The following PHTF1 variants were observed in gnomAD, a reference collection of about 807,000 sequenced individuals.
PHTF1 encodes putative homeodomain transcription factor 1, also known as protein PHTF1.
PHTF1 carries 88 observed loss-of-function variants against 102.4 expected under a neutral mutation model. The ratio of observed to expected loss-of-function variants is 0.86; its 90% CI spans 0.72 to 1.03. The LOEUF is 1.03. Ranked by LOEUF, PHTF1 falls within the 50% of genes least tolerant of loss-of-function variation. The pLI is 0.00. For missense variants in PHTF1, 814 were observed against 909.5 expected (o/e 0.89, Z 1.35); for synonymous variants, 289 against 305.2 (o/e 0.95, Z 0.55).
In PHTF1 at chr1:113,697,542, G is replaced by C. The variant is rs747702131; in HGVS notation, c.*163C>G. The stretch of plus-strand genomic sequence containing the variant: ...TTAGCATGCACACCCAGTTGGAAAA[G>C]GACTTGCTCCTCCGGAAACACCATT... On this transcript the variant is annotated 3_prime_UTR_variant, in exon 19 of 19. Coordinates refer to ENST00000369604, the MANE Select transcript of PHTF1 (RefSeq NM_001323043.2). The C allele has an allele frequency of 5.9e-5, 34 of 578,270 alleles. No individual in the cohort carries two copies. The highest frequency in any genetic ancestry group is 1.0e-4 in the Non-Finnish European group (33 of 317,150). The allele number at this position is 578,270 out of a possible 1,614,324, so 35.8% of individuals were successfully genotyped here.
chr1:113,738,109 C>T lies in PHTF1; in HGVS notation c.331+1G>A, dbSNP rs1655792793. The T allele has an allele frequency of 6.3e-7, 1 of 1,599,696 alleles. No homozygotes were observed. The highest frequency in any genetic ancestry group is 1.1e-5 in the South Asian group (1 of 89,440). On this transcript the variant is annotated splice_donor_variant, in intron 5 of 18. Coordinates refer to ENST00000369604, the MANE Select transcript of PHTF1 (RefSeq NM_001323043.2). LOFTEE classifies it high-confidence loss of function. ...TTGCTTATTCCAATTTCTCCAATTACCTTGCATGAAATAAAGTAGTAACAG... is the reference window on the plus strand; with the variant it reads ...TTGCTTATTCCAATTTCTCCAATTATCTTGCATGAAATAAAGTAGTAACAG...
intron 3 of PHTF1, chr1:113,749,645 G>A (rs377002571): frequency 3.3e-5 from 5 of 152,122 alleles, no homozygotes; most frequent in South Asian, 2.1e-4. Flanking sequence ...GAAGATCTGG[G>A]GGTAGATCTA....
At chr1:113,741,161 A>G (rs184828701) in intron 3 of PHTF1, among the ~76,000 whole-genome samples, 27 of 152,390 alleles carry the variant, frequency 1.8e-4, no homozygotes, top group Admixed American at 1.5e-3. Flanking sequence ...TACCTATTAC[A>G]GACATTGAAC....
intron 11 of PHTF1, among the ~76,000 whole-genome samples, chr1:113,709,778 A>G (rs879043407): frequency 6.6e-6 from 1 of 152,218 alleles, no homozygotes; most frequent in African/African-American, 2.4e-5. Flanking sequence ...GAATCTCTAC[A>G]TTGGTTGGAA....
chr1:113,749,905 C>T (rs1449687423), intron 3 of PHTF1, among the ~76,000 whole-genome samples: 18 of 152,076 alleles, frequency 1.2e-4, no homozygotes, highest in Admixed American at 1.2e-3. Context: ...TTGCAGGCTG[C>T]CATGATTTTT....
chr1:113,723,217 A>T lies in PHTF1; in HGVS notation c.623+1542T>A, dbSNP rs1363907672. Among the ~76,000 whole-genome samples, 11 of 148,050 alleles carry T rather than the reference A, an allele frequency of 7.4e-5. No individual in the cohort carries two copies. In the Admixed American group the frequency reaches 7.5e-4, roughly 10 times the overall value. ...TTTTGAGACAGGGTCACACTCTGTC[A>T]CCTAGGCTGGAGTAAAGTGGTGAGA... On this transcript the variant is annotated intron_variant, in intron 7 of 18. Transcript: ENST00000369604.
At chr1:113,726,368 C>T (rs753067225) in intron 6 of PHTF1, 50 bp downstream of exon 6, 17 of 1,302,132 alleles carry the variant, frequency 1.3e-5, no homozygotes, top group Admixed American at 6.5e-5. Flanking sequence ...TAAATCTCTA[C>T]AATAACTCTC....
intron 11 of PHTF1, among the ~76,000 whole-genome samples, chr1:113,708,008 T>C (rs1178296073): frequency 6.6e-6 from 1 of 152,066 alleles, no homozygotes; most frequent in Non-Finnish European, 1.5e-5. Flanking sequence ...AGAAGGTTAG[T>C]TGAGTCGAAG....
At chr1:113,726,700 A>C (rs1653892968) in intron 5 of PHTF1, 126 bp from the exon 6 acceptor site, 1 of 610,080 alleles carries the variant, frequency 1.6e-6, no homozygotes, top group African/African-American at 1.9e-5. Flanking sequence ...ATAGTTTCCT[A>C]CAATGCCCAT....
At position 113,759,079 on chromosome 1, in the gene PHTF1, G is replaced by T; in HGVS notation, c.-87C>A. 1 of 995,632 alleles carries T rather than the reference G, an allele frequency of 1.0e-6. No homozygotes were observed. Among genetic ancestry groups the T allele is most frequent in the Non-Finnish European group, 1.2e-6 (1 of 837,028 alleles). The allele number at this position is 995,632 out of a possible 1,614,324, so 61.7% of individuals were successfully genotyped here. ...GGGACCTCCGTCCTCAGTGCCCGGGGTCCCACCGTGAGGCCGGGGGCGAGG... is the reference window on the plus strand; with the variant it reads ...GGGACCTCCGTCCTCAGTGCCCGGGTTCCCACCGTGAGGCCGGGGGCGAGG... On this transcript the variant is annotated 5_prime_UTR_variant, in exon 1 of 19. Coordinates refer to ENST00000369604, the MANE Select transcript of PHTF1 (RefSeq NM_001323043.2).
intron 3 of PHTF1, among the ~76,000 whole-genome samples, chr1:113,756,498 A>G (rs539332092): frequency 6.6e-6 from 1 of 152,342 alleles, no homozygotes; most frequent in Admixed American, 6.5e-5. Flanking sequence ...GCTGGCATTT[A>G]TCAGCACTTT....
chr1:113,728,526 T>G (rs1167926531), intron 5 of PHTF1, among the ~76,000 whole-genome samples: 2 of 152,224 alleles, frequency 1.3e-5, no homozygotes, highest in Non-Finnish European at 2.9e-5. Context: ...ACAACCACTA[T>G]GAAGAACAGC....
At chr1:113,742,910 C>A (rs2101633142) in intron 3 of PHTF1, among the ~76,000 whole-genome samples, 1 of 152,276 alleles carries the variant, frequency 6.6e-6, no homozygotes, top group African/African-American at 2.4e-5. Context: ...CACAGCTCAC[C>A]ACAATCTCAT....
At chr1:113,739,995 C>T (rs538308143) in intron 3 of PHTF1, among the ~76,000 whole-genome samples, 115 of 152,274 alleles carry the variant, frequency 7.6e-4, no homozygotes, top group Middle Eastern at 3.4e-3. Flanking sequence ...TGGACACGTA[C>T]ACTGAATTCC....
At chr1:113,707,458 G>A (rs2101128016) in intron 11 of PHTF1, among the ~76,000 whole-genome samples, 1 of 152,176 alleles carries the variant, frequency 6.6e-6, no homozygotes, top group East Asian at 1.9e-4. Flanking sequence ...TCTCTGAAAT[G>A]AAAAACTTCT....
At chr1:113,737,072 G>T (rs1655609954) in intron 5 of PHTF1, among the ~76,000 whole-genome samples, 1 of 152,236 alleles carries the variant, frequency 6.6e-6, no homozygotes, top group Non-Finnish European at 1.5e-5. Context: ...AAATGCTGGT[G>T]CTGTGGACAA....
intron 7 of PHTF1, chr1:113,714,747 G>A (rs1303654072): frequency 6.6e-6 from 1 of 152,352 alleles, no homozygotes; most frequent in Non-Finnish European, 1.5e-5. Context: ...GCCACCTGCT[G>A]ATTGTAGTGC....
At position 113,699,492 on chromosome 1, in the gene PHTF1, A is replaced by G. The variant is rs549948548; in HGVS notation, c.2142+212T>C. 69 of 651,316 alleles carry G rather than the reference A, an allele frequency of 1.1e-4. No homozygotes were observed. The African/African-American group carries it at 1.2e-3, about 11-fold the overall frequency. The allele number at this position is 651,316 out of a possible 1,614,324, so 40.3% of individuals were successfully genotyped here. A position where few individuals can be genotyped will look rare whatever the true frequency, so the allele number is the denominator to read the frequency against. On this transcript the variant is annotated intron_variant, in intron 17 of 18. Transcript: ENST00000369604. ...TGGCCCAACTTGGTGATGGGGAGCC[A>G]CTCTTTGTCCTTAATCTTGCCTCCA...
At chr1:113,740,724 T>C (rs1355628783) in intron 3 of PHTF1, among the ~76,000 whole-genome samples, 1 of 152,212 alleles carries the variant, frequency 6.6e-6, no homozygotes, top group Non-Finnish European at 1.5e-5. Flanking sequence ...TTTGACTTGA[T>C]TTTTGTATAT....
Sources: allele counts gnomAD v4.1 joint callset (sites outside exome capture counted in the v4.1 genomes callset), GRCh38; gene constraint gnomAD v4.1.1; transcripts MANE v1.5; gene names NCBI Gene and HGNC (gene_info 2026-07-23, HGNC 2026-07-21).